The following CBFA2T2 variants were observed in gnomAD, a reference collection of about 807,000 sequenced individuals.
The protein encoded by CBFA2T2 is protein CBFA2T2.
CBFA2T2 carries 11 observed loss-of-function variants against 62.2 expected under a neutral mutation model. The observed-to-expected ratio is 0.18, with a 90% CI of 0.11 to 0.29. CBFA2T2 has a LOEUF of 0.29. CBFA2T2 is among the 10% of genes least tolerant of loss of function. The pLI is 1.00. For synonymous variants in CBFA2T2, 295 were observed against 287.5 expected (o/e 1.03, Z -0.27); for missense variants, 592 against 774.1 (o/e 0.76, Z 2.79).
intron 5 of CBFA2T2, chr20:33,623,780 A>T: frequency 1.4e-6 from 1 of 713,892 alleles, no homozygotes; most frequent in Non-Finnish European, 2.6e-6. Flanking sequence ...TAGCTGCATA[A>T]TACATCTAAA....
At chr20:33,583,231 G>T (rs1327190842) in intron 1 of CBFA2T2, among the ~76,000 whole-genome samples, 1 of 152,062 alleles carries the variant, frequency 6.6e-6, no homozygotes, top group Non-Finnish European at 1.5e-5. Flanking sequence ...ACTATCCTTT[G>T]TACAAGAACA....
intron 1 of CBFA2T2, among the ~76,000 whole-genome samples, chr20:33,494,165 G>C (rs957409341): frequency 1.4e-4 from 21 of 147,838 alleles, no homozygotes; most frequent in African/African-American, 5.0e-4. Context: ...ACAGGCGTGA[G>C]CTACCGCGCC....
At chr20:33,507,143 A>C in intron 1 of CBFA2T2, among the ~76,000 whole-genome samples, 1 of 152,192 alleles carries the variant, frequency 6.6e-6, no homozygotes, top group East Asian at 1.9e-4. Context: ...ACTATAATGA[A>C]TTGTCATTAC....
rs1327111686 is a variant in CBFA2T2 at position 33,646,854 on chromosome 20, C to CT, written c.*2209dup. ...CCAGCCTGGGCAACAGAGCAAAACTCTGTCTCAAAAAAAAAAAAAAAAAGG... is the reference window on the plus strand; with the variant it reads ...CCAGCCTGGGCAACAGAGCAAAACTCTTGTCTCAAAAAAAAAAAAAAAAAGG... On this transcript the variant is annotated 3_prime_UTR_variant, in exon 11 of 11. Transcript: ENST00000342704. 2 of 139,204 alleles carry CT rather than the reference C, an allele frequency of 1.4e-5. No homozygotes were observed. The highest frequency in any genetic ancestry group is 2.6e-5 in the African/African-American group (1 of 38,110). 8.6% of individuals were successfully genotyped at this position (139,204 alleles called of 1,614,324 possible).
rs2016643079 is a variant in CBFA2T2 at position 33,636,630 on chromosome 20, T to C, written c.1229-10T>C. The C allele has an allele frequency of 6.2e-7, 1 of 1,610,864 alleles. No homozygotes were observed. Among genetic ancestry groups the C allele is most frequent in the Admixed American group, 1.7e-5 (1 of 59,896 alleles). On this transcript the variant is annotated splice_polypyrimidine_tract_variant and intron_variant, in intron 8 of 10. Transcript: ENST00000342704. ...CTTCTGACCCTATGCTTTTTATGTC[T>C]CTTCTGCAGATTCTCAGAGAGAGTT...
intron 8 of CBFA2T2, among the ~76,000 whole-genome samples, chr20:33,635,116 T>A (rs2016590862): frequency 6.6e-6 from 1 of 152,208 alleles, no homozygotes; most frequent in Non-Finnish European, 1.5e-5. Context: ...CCAGGTTGAA[T>A]CAGTCTACCA....
intron 1 of CBFA2T2, among the ~76,000 whole-genome samples, chr20:33,552,256 C>T (rs539602333): frequency 1.8e-4 from 27 of 152,268 alleles, no homozygotes; most frequent in African/African-American, 6.3e-4. Flanking sequence ...GGTTATTTGA[C>T]TTAACAATGA....
chr20:33,490,344 G>A, intron 1 of CBFA2T2, 43 bp downstream of exon 1: 1 of 1,266,864 alleles, frequency 7.9e-7, no homozygotes, highest in South Asian at 3.4e-5. Context: ...GGGCGTGTGA[G>A]GGCCTGCGGC....
chr20:33,581,498 G>GTA (rs970752298), intron 1 of CBFA2T2, among the ~76,000 whole-genome samples: 1 of 152,102 alleles, frequency 6.6e-6, no homozygotes, highest in African/African-American at 2.4e-5. Flanking sequence ...GTGTGTGTGT[G>GTA]TGTCTGTGTG....
At chr20:33,510,313 C>A (rs2146853894) in intron 1 of CBFA2T2, among the ~76,000 whole-genome samples, 1 of 151,754 alleles carries the variant, frequency 6.6e-6, no homozygotes, top group South Asian at 2.1e-4. Context: ...CGGGTTCATG[C>A]CATTCTCCTG....
chr20:33,570,102 A>G (rs2013486697), intron 1 of CBFA2T2, among the ~76,000 whole-genome samples: 1 of 152,198 alleles, frequency 6.6e-6, no homozygotes, highest in Non-Finnish European at 1.5e-5. Flanking sequence ...AAAATGGTGA[A>G]GCCCCATCTT....
chr20:33,494,975 CGTT>C (rs1197548490), intron 1 of CBFA2T2, among the ~76,000 whole-genome samples: 1 of 152,176 alleles, frequency 6.6e-6, no homozygotes, highest in Non-Finnish European at 1.5e-5. Flanking sequence ...GCAGTTCCAA[CGTT>C]GTCTTTCTAC....
At chr20:33,605,055 G>A (rs1464922158) in intron 1 of CBFA2T2, among the ~76,000 whole-genome samples, 1 of 152,178 alleles carries the variant, frequency 6.6e-6, no homozygotes, top group African/African-American at 2.4e-5. Flanking sequence ...GCACATTTTT[G>A]TCAGGGGATT....
chr20:33,565,408 C>T (rs1194484122), intron 1 of CBFA2T2, among the ~76,000 whole-genome samples: 1 of 152,062 alleles, frequency 6.6e-6, no homozygotes, highest in Non-Finnish European at 1.5e-5. Flanking sequence ...GCCTAGGAGA[C>T]ATGAGTGGGG....
chr20:33,634,670 C>CAA (rs758089440), intron 8 of CBFA2T2, among the ~76,000 whole-genome samples: 511 of 47,868 alleles, frequency 0.011, 34 homozygotes, highest in Middle Eastern at 0.042. Flanking sequence ...ACCCTATGTC[C>CAA]AAAAAAAAAA....
chr20:33,543,838 AATTT>A (rs987409051), intron 1 of CBFA2T2, among the ~76,000 whole-genome samples: 3 of 152,016 alleles, frequency 2.0e-5, no homozygotes, highest in African/African-American at 7.3e-5. Context: ...TTAATTAATT[AATTT>A]ATTTATTTAT....
chr20:33,517,385 G>A (rs2011618234), intron 1 of CBFA2T2, among the ~76,000 whole-genome samples: 1 of 151,702 alleles, frequency 6.6e-6, no homozygotes, highest in Non-Finnish European at 1.5e-5. Context: ...TGCCATCAAG[G>A]TATTTTGGTG....
intron 8 of CBFA2T2, among the ~76,000 whole-genome samples, chr20:33,635,770 C>T (rs1004819280): frequency 6.6e-6 from 1 of 152,080 alleles, no homozygotes. Flanking sequence ...CCTAGCTACT[C>T]AAGAGGCTGA....
intron 8 of CBFA2T2, among the ~76,000 whole-genome samples, chr20:33,634,697 G>C (rs200760639): frequency 1.2e-5 from 1 of 86,130 alleles, no homozygotes; most frequent in Non-Finnish European, 2.6e-5. Flanking sequence ...AAAAAAAAAA[G>C]AATCTGAATA....
Sources: gnomAD v4.1 joint callset for allele counts (sites outside exome capture counted in the v4.1 genomes callset) on GRCh38, gnomAD v4.1.1 for gene constraint, MANE v1.5 for transcripts, NCBI Gene and HGNC (gene_info 2026-07-23, HGNC 2026-07-21) for gene names.